Variants in LRMDA observed in about 807,000 individuals in gnomAD.
LRMDA encodes the protein leucine rich melanocyte differentiation associated, also known as leucine-rich melanocyte differentiation-associated protein.
LRMDA carries 18 observed loss-of-function variants against 29.8 expected under a neutral mutation model. That is an observed-to-expected ratio of 0.60 (90% CI 0.42 to 0.90). The LOEUF (loss-of-function observed/expected upper bound fraction) is 0.90, where lower values mean the gene tolerates loss of function less well. Ranked by LOEUF, LRMDA falls within the 40% of genes least tolerant of loss-of-function variation. LRMDA has a pLI of 0.00. For synonymous variants in LRMDA, 125 were observed against 109.4 expected (o/e 1.14, Z -0.89); for missense variants, 273 against 273.9 (o/e 1.00, Z 0.02).
chr10:76,390,689 A>C (rs1038303167), intron 6 of LRMDA, among the ~76,000 whole-genome samples: 4 of 151,946 alleles, frequency 2.6e-5, no homozygotes, highest in African/African-American at 4.8e-5. Context: ...GTATGCCCCC[A>C]TAATTCCCTA....
chr10:76,230,525 C>T (rs1852038553), intron 5 of LRMDA, among the ~76,000 whole-genome samples: 1 of 146,186 alleles, frequency 6.8e-6, no homozygotes, highest in Non-Finnish European at 1.5e-5. Context: ...AAACAACTAG[C>T]ATGATTTTAT....
chr10:76,548,120 C>G (rs948200598), intron 6 of LRMDA, among the ~76,000 whole-genome samples: 2 of 152,104 alleles, frequency 1.3e-5, no homozygotes, highest in Non-Finnish European at 1.5e-5. Context: ...AAGGCAGTAT[C>G]TTATAATTCA....
chr10:76,038,427 G>A (rs1589298694), intron 3 of LRMDA, among the ~76,000 whole-genome samples: 1 of 152,318 alleles, frequency 6.6e-6, no homozygotes, highest in East Asian at 1.9e-4. Context: ...AGGAGGGACC[G>A]AAGCAGAAGA....
intron 5 of LRMDA, among the ~76,000 whole-genome samples, chr10:76,209,307 A>G (rs1358518948): frequency 1.4e-4 from 22 of 151,768 alleles, no homozygotes; most frequent in Admixed American, 1.4e-3. Context: ...ACAGCCTCCT[A>G]GATACATCTG....
At chr10:76,122,967 A>G (rs1427414330) in intron 5 of LRMDA, among the ~76,000 whole-genome samples, 1 of 152,140 alleles carries the variant, frequency 6.6e-6, no homozygotes, top group Non-Finnish European at 1.5e-5. Flanking sequence ...ATCATCTAGG[A>G]TGATCCGAAG....
At chr10:75,615,596 G>C (rs1348312278) in intron 2 of LRMDA, among the ~76,000 whole-genome samples, 1 of 152,140 alleles carries the variant, frequency 6.6e-6, no homozygotes, top group Non-Finnish European at 1.5e-5. Flanking sequence ...ACAATTATTT[G>C]AACTAGAATC....
At chr10:76,488,243 C>A (rs1217518470) in intron 6 of LRMDA, among the ~76,000 whole-genome samples, 1 of 151,708 alleles carries the variant, frequency 6.6e-6, no homozygotes, top group Non-Finnish European at 1.5e-5. Flanking sequence ...CACATATTTA[C>A]AGCATACAAT....
intron 6 of LRMDA, among the ~76,000 whole-genome samples, chr10:76,364,255 A>T (rs1055315267): frequency 2.0e-5 from 3 of 152,182 alleles, no homozygotes; most frequent in African/African-American, 7.2e-5. Flanking sequence ...CTGAGTTGAT[A>T]TCTAAAGCCA....
intron 5 of LRMDA, among the ~76,000 whole-genome samples, chr10:76,210,476 T>C (rs1564687001): frequency 6.6e-6 from 1 of 152,144 alleles, no homozygotes; most frequent in Non-Finnish European, 1.5e-5. Context: ...GTACTGTACA[T>C]AGTAAGTGCT....
chr10:75,962,734 C>T (rs1227878667), intron 2 of LRMDA, among the ~76,000 whole-genome samples: 2 of 152,152 alleles, frequency 1.3e-5, no homozygotes, highest in Non-Finnish European at 2.9e-5. Context: ...GCAACCTGTA[C>T]CTCCAGAAAA....
Position 75,939,022 on chromosome 10 carries a change from A to T in LRMDA, c.132-96986A>T, listed in dbSNP as rs942172462. On this transcript the variant is annotated intron_variant, in intron 2 of 6. Transcript: ENST00000611255. ...TACCTTAGTGAAACCAGCGCTCGGC[A>T]TGAAATCCCAGGGTGGCCGCAAACG... Among the ~76,000 whole-genome samples the T allele has an allele frequency of 6.6e-5, 10 of 152,342 alleles. 1 individual carries two copies. Among genetic ancestry groups the T allele is most frequent in the Admixed American group, 6.5e-4 (10 of 15,302 alleles).
At position 76,506,530 on chromosome 10, in the gene LRMDA, G is replaced by T. The variant is rs561636271; in HGVS notation, c.602-50679G>T. Among the ~76,000 whole-genome samples the T allele has an allele frequency of 5.3e-5, 8 of 152,108 alleles. No homozygotes were observed. In the South Asian group the frequency reaches 1.5e-3, roughly 28 times the overall value. Reference sequence around the variant, plus strand: ...TTCATACATTTTTTCACCAAAATTTGACTTGTATTTGCAGCTATCTGCTAT... The same window carrying T: ...TTCATACATTTTTTCACCAAAATTTTACTTGTATTTGCAGCTATCTGCTAT... On this transcript the variant is annotated intron_variant, in intron 6 of 6. Coordinates refer to ENST00000611255, the MANE Select transcript of LRMDA (RefSeq NM_001305581.2).
rs1231164816 is a variant in LRMDA at position 76,421,443 on chromosome 10, C to T, written c.601+96958C>T. ...TATGTTTCTTGTAAGCAGTATATTA[C>T]TTTGAAATCCATTATGAAAACCTTC... On this transcript the variant is annotated intron_variant, in intron 6 of 6. Coordinates refer to ENST00000611255, the MANE Select transcript of LRMDA (RefSeq NM_001305581.2). Among the ~76,000 whole-genome samples, 4 of 152,088 alleles carry T rather than the reference C, an allele frequency of 2.6e-5. No individual in the cohort carries two copies. In the South Asian group the frequency reaches 6.2e-4, roughly 24 times the overall value.
At chr10:76,545,968 A>G (rs73276761) in intron 6 of LRMDA, among the ~76,000 whole-genome samples, 7,792 of 152,230 alleles carry the variant, frequency 0.051, 284 homozygotes, top group African/African-American at 0.1. Context: ...ACTCAGATCC[A>G]TGGAATCAGA....
chr10:76,165,313 C>T (rs1208140991), intron 5 of LRMDA, among the ~76,000 whole-genome samples: 2 of 152,010 alleles, frequency 1.3e-5, no homozygotes, highest in African/African-American at 2.4e-5. Flanking sequence ...TGCTCTGTCA[C>T]CCAGGCTGGA....
intron 2 of LRMDA, among the ~76,000 whole-genome samples, chr10:75,968,264 A>G (rs1403403111): frequency 2.0e-5 from 3 of 152,270 alleles, no homozygotes; most frequent in African/African-American, 4.8e-5. Flanking sequence ...GTGGCTGCTC[A>G]TAGAAGTTGT....
At chr10:76,008,186 G>A (rs1463106480) in intron 2 of LRMDA, among the ~76,000 whole-genome samples, 1 of 152,148 alleles carries the variant, frequency 6.6e-6, no homozygotes, top group East Asian at 1.9e-4. Flanking sequence ...GTCCTAAGAA[G>A]GCTACACAAT....
chr10:75,504,573 G>T (rs1309671229), intron 2 of LRMDA, among the ~76,000 whole-genome samples: 1 of 152,206 alleles, frequency 6.6e-6, no homozygotes, highest in Non-Finnish European at 1.5e-5. Context: ...AACGTCTGTA[G>T]TAATAGGGGG....
chr10:76,279,312 G>A (rs1324512136), intron 5 of LRMDA, among the ~76,000 whole-genome samples: 3 of 152,114 alleles, frequency 2.0e-5, no homozygotes, highest in Non-Finnish European at 2.9e-5. Context: ...GATAACGAAT[G>A]TAAAGTGTTT....
Sources: gnomAD v4.1 joint callset for allele counts (sites outside exome capture counted in the v4.1 genomes callset) on GRCh38, gnomAD v4.1.1 for gene constraint, MANE v1.5 for transcripts, NCBI Gene and HGNC (gene_info 2026-07-23, HGNC 2026-07-21) for gene names.